Variants in MYO3A observed in about 807,000 individuals in gnomAD.
The protein encoded by MYO3A is myosin IIIA.
In MYO3A, 180 loss-of-function variants were observed where a neutral mutation model predicts 192.7. That is an observed-to-expected ratio of 0.93 (90% CI 0.83 to 1.06). The LOEUF is 1.06. Ranked by LOEUF, MYO3A falls within the 50% of genes least tolerant of loss-of-function variation. MYO3A has a pLI of 0.00. For synonymous variants in MYO3A, 628 were observed against 645.3 expected, an observed-to-expected ratio of 0.97 and a Z score of 0.41; for missense variants, 1,896 against 1,905.0, an observed-to-expected ratio of 1.00 and a Z score of 0.09.
In MYO3A at chr10:26,070,125, T is replaced by A. The variant is rs1835110649; in HGVS notation, c.1185T>A (p.Tyr395Ter). The A allele has an allele frequency of 6.2e-7, 1 of 1,608,678 alleles. No individual in the cohort carries two copies. The highest frequency in any genetic ancestry group is 2.2e-5 in the East Asian group (1 of 44,756). Residue 395 changes from tyrosine (Y) to a stop codon, truncating the protein, a stop_gained, in exon 13 of 35, where the codon TAT (tyrosine) becomes TAA (stop). Transcript: ENST00000642920. LOFTEE classifies it high-confidence loss of function. ...TTAACCTTTAGCATTCCAAACTATA[T>A]ATTGGATCAAAGAGAACTGCCAGTC... ...GLYSTKHSKL[Y>*]IGSKRTASPP...
At chr10:26,102,814 G>T (rs1837549839) in intron 17 of MYO3A, among the ~76,000 whole-genome samples, 1 of 152,210 alleles carries the variant, frequency 6.6e-6, no homozygotes, top group African/African-American at 2.4e-5. Context: ...GGCCCCTACT[G>T]GGAGGTGTCT....
intron 4 of MYO3A, among the ~76,000 whole-genome samples, chr10:25,961,891 C>T (rs532814787): frequency 6.6e-6 from 1 of 152,100 alleles, no homozygotes; most frequent in African/African-American, 2.4e-5. Flanking sequence ...AATTATTTTG[C>T]ATGAGGGTAC....
intron 26 of MYO3A, among the ~76,000 whole-genome samples, chr10:26,157,917 GT>G (rs1296230855): frequency 6.6e-6 from 1 of 152,124 alleles, no homozygotes; most frequent in Non-Finnish European, 1.5e-5. Flanking sequence ...GTGTAGGGGC[GT>G]GGGGGGATGC....
chr10:26,096,662 G>C lies in MYO3A; in HGVS notation c.1756G>C (p.Val586Leu). ...TGAATTAATTGAGCAATGTTTCAAA[G>C]TCATAGGTTTTACAATGGAGGTAAG... is the stretch of plus-strand genomic sequence containing the variant. ...QYELIEQCFK[V>L]IGFTMEQLGS... The change falls in exon 17 of 35, where the codon GTC becomes CTC. Residue 586 changes from valine to leucine, a missense_variant. Coordinates refer to ENST00000642920, the MANE Select transcript of MYO3A (RefSeq NM_017433.5). 6.3e-7 allele frequency: 1 copy of C among 1,584,280 alleles called. No homozygotes were observed. The highest frequency in any genetic ancestry group is 8.7e-7 in the Non-Finnish European group (1 of 1,152,926).
At chr10:26,078,413 T>G (rs998357272) in intron 14 of MYO3A, among the ~76,000 whole-genome samples, 1 of 152,088 alleles carries the variant, frequency 6.6e-6, no homozygotes, top group African/African-American at 2.4e-5. Flanking sequence ...TTAATCTTGC[T>G]AATGGTCTAT....
intron 31 of MYO3A, among the ~76,000 whole-genome samples, chr10:26,186,718 G>A (rs1020922045): frequency 6.6e-6 from 1 of 152,032 alleles, no homozygotes. Flanking sequence ...CTGGAATCTT[G>A]CTCACTTTTC....
At chr10:26,103,671 T>C (rs898591316) in intron 17 of MYO3A, among the ~76,000 whole-genome samples, 1 of 152,214 alleles carries the variant, frequency 6.6e-6, no homozygotes, top group Non-Finnish European at 1.5e-5. Flanking sequence ...CAACATTTTG[T>C]GTGGATGTAA....
rs142003603 is a variant in MYO3A at position 26,108,226 on chromosome 10, G to A, written c.1776+11544G>A. On this transcript the variant is annotated intron_variant, in intron 17 of 34. Transcript: ENST00000642920. ...CTAAATGTGAATCAGGCTTTTAGAT[G>A]AACTCTTTCTGGAATTTTAGATGAA... Among the ~76,000 whole-genome samples the A allele has an allele frequency of 2.3e-3, 345 of 152,200 alleles. 1 individual carries two copies. Among genetic ancestry groups the A allele is most frequent in the African/African-American group, 7.7e-3 (320 of 41,544 alleles).
intron 34 of MYO3A, among the ~76,000 whole-genome samples, chr10:26,209,570 C>T (rs921291858): frequency 6.6e-6 from 1 of 152,158 alleles, no homozygotes; most frequent in Non-Finnish European, 1.5e-5. Context: ...CAGTGACCTC[C>T]GTTTTGCCAT....
At chr10:26,118,981 C>A (rs186513740) in intron 17 of MYO3A, among the ~76,000 whole-genome samples, 2 of 152,292 alleles carry the variant, frequency 1.3e-5, no homozygotes, top group African/African-American at 2.4e-5. Flanking sequence ...TGCCTAGGCT[C>A]ACCTCTCTGA....
At chr10:26,175,018 C>G (rs944337414) in intron 30 of MYO3A, among the ~76,000 whole-genome samples, 1 of 152,178 alleles carries the variant, frequency 6.6e-6, no homozygotes, top group African/African-American at 2.4e-5. Flanking sequence ...AGATGAAAGT[C>G]TGCATGTCAC....
chr10:26,129,841 A>G (rs547519365), intron 20 of MYO3A, among the ~76,000 whole-genome samples: 2 of 152,336 alleles, frequency 1.3e-5, no homozygotes, highest in African/African-American at 2.4e-5. Context: ...AATGCTTCAC[A>G]ATACTCACAG....
intron 4 of MYO3A, among the ~76,000 whole-genome samples, chr10:25,986,298 G>A (rs184358948): frequency 6.0e-4 from 91 of 152,254 alleles, no homozygotes; most frequent in East Asian, 4.1e-3. Flanking sequence ...ACTGAAACAA[G>A]ACAGGGATGC....
chr10:25,996,910 T>C (rs12251859), intron 5 of MYO3A, among the ~76,000 whole-genome samples: 76 of 152,312 alleles, frequency 5.0e-4, no homozygotes, highest in African/African-American at 1.8e-3. Flanking sequence ...TTTTCTTCCA[T>C]TGAAACTCAC....
rs978798498 is a variant in MYO3A at position 26,173,980 on chromosome 10, G to A, written c.3716G>A (p.Ser1239Asn). Residue 1239 changes from serine to asparagine, a missense_variant, in exon 30 of 35, where the codon AGT becomes AAT. Physicochemically the swap from Ser to Asn is conservative, Grantham distance 46 (BLOSUM62 1). Transcript: ENST00000642920. ...GAGAAAGAGGAAGCTATGATCCAGA[G>A]TTACTATCAGAGGTACACAGAGGAG... ...KVEKEEAMIQ[S>N]YYQRYTEERN... The A allele has an allele frequency of 1.5e-5, 24 of 1,608,430 alleles. No homozygotes were observed. Among genetic ancestry groups the A allele is most frequent in the Non-Finnish European group, 1.7e-5 (20 of 1,178,334 alleles).
chr10:26,104,296 C>T (rs1405836795), intron 17 of MYO3A, among the ~76,000 whole-genome samples: 2 of 152,076 alleles, frequency 1.3e-5, no homozygotes, highest in Non-Finnish European at 1.5e-5. Flanking sequence ...TATGCCTAAG[C>T]TTTCTTCTTA....
At chr10:26,143,798 A>T (rs1840303417) in intron 21 of MYO3A, among the ~76,000 whole-genome samples, 197 bp downstream of exon 21, 1 of 152,186 alleles carries the variant, frequency 6.6e-6, no homozygotes, top group Admixed American at 6.5e-5. Flanking sequence ...TTTAGTGATA[A>T]ATTAAGCAAG....
intron 20 of MYO3A, among the ~76,000 whole-genome samples, chr10:26,142,521 T>A (rs945664720): frequency 2.6e-5 from 4 of 152,254 alleles, no homozygotes; most frequent in Non-Finnish European, 4.4e-5. Context: ...ACACATCTTA[T>A]ATTACACTAT....
intron 31 of MYO3A, among the ~76,000 whole-genome samples, chr10:26,187,264 T>C (rs1842909607): frequency 6.6e-6 from 1 of 151,944 alleles, no homozygotes; most frequent in Admixed American, 6.6e-5. Flanking sequence ...CAGTGAAAAA[T>C]AGTAAGCGGC....
Sources: allele counts gnomAD v4.1 joint callset (sites outside exome capture counted in the v4.1 genomes callset), GRCh38; gene constraint gnomAD v4.1.1; transcripts MANE v1.5; gene names NCBI Gene and HGNC (gene_info 2026-07-23, HGNC 2026-07-21).